Variants in FBN2 observed in about 807,000 individuals in gnomAD.
The protein encoded by FBN2 is fibrillin 2.
FBN2 carries 105 observed loss-of-function variants against 355.6 expected under a neutral mutation model. That is an observed-to-expected ratio of 0.30 (90% CI 0.25 to 0.35). FBN2 has a LOEUF of 0.35. Among genes scored for constraint, FBN2 ranks in the 10% least tolerant of loss-of-function variants. FBN2 has a pLI of 1.00. For missense variants in FBN2, 3,280 were observed against 3,758.7 expected (o/e 0.87, Z 3.33); for synonymous variants, 1,350 against 1,301.2 (o/e 1.04, Z -0.81).
At chr5:128,476,909 T>C (rs1194381461) in intron 5 of FBN2, among the ~76,000 whole-genome samples, 2 of 152,216 alleles carry the variant, frequency 1.3e-5, no homozygotes, top group Non-Finnish European at 2.9e-5. Context: ...CCACAGTCTA[T>C]GCATAGAAAG....
chr5:128,456,743 TGAC>T (rs1754406079), intron 6 of FBN2, among the ~76,000 whole-genome samples: 1 of 151,428 alleles, frequency 6.6e-6, no homozygotes, highest in Non-Finnish European at 1.5e-5. Flanking sequence ...AAGCAGAAAG[TGAC>T]AACAACAGCA....
At chr5:128,489,861 T>A (rs553895991) in intron 5 of FBN2, among the ~76,000 whole-genome samples, 1 of 152,198 alleles carries the variant, frequency 6.6e-6, no homozygotes, top group Non-Finnish European at 1.5e-5. Context: ...GAAGCCAATA[T>A]TGTATAGACT....
chr5:128,413,251 A>T (rs1753115591), intron 7 of FBN2, among the ~76,000 whole-genome samples: 1 of 152,230 alleles, frequency 6.6e-6, no homozygotes, highest in South Asian at 2.1e-4. Flanking sequence ...TTTCCAAAGA[A>T]GACAAATGAA....
chr5:128,488,950 A>G (rs1755424148), intron 5 of FBN2, among the ~76,000 whole-genome samples: 1 of 152,122 alleles, frequency 6.6e-6, no homozygotes, highest in South Asian at 2.1e-4. Context: ...GAATAGTGCC[A>G]CAATAAACAA....
chr5:128,379,685 G>A (rs1484491703), intron 11 of FBN2, among the ~76,000 whole-genome samples: 1 of 152,092 alleles, frequency 6.6e-6, no homozygotes, highest in Non-Finnish European at 1.5e-5. Flanking sequence ...AGACTGAACA[G>A]TCTGGACTAG....
intron 19 of FBN2, among the ~76,000 whole-genome samples, chr5:128,358,247 G>T (rs1056123856): frequency 4.6e-5 from 7 of 151,944 alleles, no homozygotes; most frequent in African/African-American, 1.7e-4. Flanking sequence ...AAAAATCAAA[G>T]ACATTTTCAG....
In FBN2 at chr5:128,301,950, C is replaced by A. The variant is rs73784565; in HGVS notation, c.5918-440G>T. On this transcript the variant is annotated intron_variant, in intron 46 of 64. Coordinates refer to ENST00000262464, the MANE Select transcript of FBN2 (RefSeq NM_001999.4). ...ATGAGCTTATTTATTACTGGAAAAT[C>A]AATGATATTAAAAACACTGGAATTG... 3.4e-3 allele frequency among the ~76,000 whole-genome samples: 518 copies of A among 152,134 alleles called. 3 individuals carry two copies. The highest frequency in any genetic ancestry group is 0.012 in the African/African-American group (509 of 41,500).
At chr5:128,320,949 T>C (rs1342910967) in intron 34 of FBN2, among the ~76,000 whole-genome samples, 2 of 152,134 alleles carry the variant, frequency 1.3e-5, no homozygotes, top group Non-Finnish European at 2.9e-5. Context: ...CAACTCCTTA[T>C]TTTTATTTAA....
intron 2 of FBN2, among the ~76,000 whole-genome samples, chr5:128,535,955 G>A (rs1489780239): frequency 1.3e-5 from 2 of 151,986 alleles, no homozygotes; most frequent in Admixed American, 6.6e-5. Flanking sequence ...CCAGAAATAA[G>A]AAAGTGGTTT....
Position 128,344,460 on chromosome 5 carries a change from T to C in FBN2, c.3268A>G (p.Arg1090Gly). 8 of 1,613,470 alleles carry C rather than the reference T, an allele frequency of 5.0e-6. No homozygotes were observed. The highest frequency in any genetic ancestry group is 6.8e-6 in the Non-Finnish European group (8 of 1,179,376). Reference sequence around the variant, plus strand: ...CATTTGAAGCTTCCGATTGTATTTCTGCACTTCCCATAAGTGCACATCCCA... The same window carrying C: ...CATTTGAAGCTTCCGATTGTATTTCCGCACTTCCCATAAGTGCACATCCCA... ...FPGMCTYGKC[R>G]NTIGSFKCRC... Residue 1090 changes from arginine (R) to glycine (G), a missense_variant, in exon 25 of 65, where the codon AGA (arginine) becomes GGA (glycine). Arg to Gly is a moderately radical substitution (Grantham distance 125, BLOSUM62 -2). Coordinates refer to ENST00000262464, the MANE Select transcript of FBN2 (RefSeq NM_001999.4).
At chr5:128,496,189 T>C (rs1464955779) in intron 5 of FBN2, among the ~76,000 whole-genome samples, 1 of 152,024 alleles carries the variant, frequency 6.6e-6, no homozygotes, top group Admixed American at 6.6e-5. Flanking sequence ...CTCTATGAGG[T>C]CACAATTACA....
At chr5:128,310,363 CACATATATATATATAT>C (rs1750001203) in intron 39 of FBN2, among the ~76,000 whole-genome samples, 1 of 58,974 alleles carries the variant, frequency 1.7e-5, no homozygotes, top group African/African-American at 6.7e-5. Flanking sequence ...ATTTCCTTGG[CACATATATATATATAT>C]ATATATATAT....
At chr5:128,281,979 C>T (rs1393002372) in intron 55 of FBN2, among the ~76,000 whole-genome samples, 3 of 152,090 alleles carry the variant, frequency 2.0e-5, no homozygotes, top group South Asian at 2.1e-4. Flanking sequence ...TGCGAGCCAC[C>T]GTGCCCGGCA....
chr5:128,280,577 T>C (rs1765510810), intron 55 of FBN2, among the ~76,000 whole-genome samples: 2 of 152,122 alleles, frequency 1.3e-5, no homozygotes, highest in South Asian at 2.1e-4. Context: ...ATATATAGAA[T>C]TGAAAATTGG....
intron 7 of FBN2, among the ~76,000 whole-genome samples, chr5:128,424,264 T>C (rs1274162214): frequency 6.6e-6 from 1 of 152,032 alleles, no homozygotes; most frequent in Non-Finnish European, 1.5e-5. Flanking sequence ...ATGCAAAAGG[T>C]CCATCTGGTG....
chr5:128,310,390 ATATATATATATATTTTTTTTTTT>A (rs1750013769), intron 39 of FBN2, among the ~76,000 whole-genome samples: 1 of 30,024 alleles, frequency 3.3e-5, no homozygotes, highest in African/African-American at 1.4e-4. Context: ...ATATATATAT[ATATATATATATATTTTTTTTTTT>A]TTTTTTTTAT....
intron 55 of FBN2, among the ~76,000 whole-genome samples, chr5:128,281,398 A>G (rs1489178465): frequency 6.6e-6 from 1 of 152,198 alleles, no homozygotes; most frequent in Non-Finnish European, 1.5e-5. Context: ...ACTTCAACAC[A>G]CATTCTTAAT....
intron 5 of FBN2, among the ~76,000 whole-genome samples, chr5:128,497,687 G>C (rs1755693715): frequency 1.3e-5 from 2 of 152,140 alleles, no homozygotes; most frequent in Admixed American, 1.3e-4. Context: ...ATGTCTCTGA[G>C]CTAGTGGAAG....
Position 128,366,449 on chromosome 5 carries a change from T to C in FBN2, c.2249-19A>G, listed in dbSNP as rs193091226. The stretch of plus-strand genomic sequence containing the variant: ...AATTCAGCTGTATGACAAAAAGAAA[T>C]AGAAGAATTAAAAACTTAACTATAC... On this transcript the variant is annotated intron_variant, in intron 16 of 64. Coordinates refer to ENST00000262464, the MANE Select transcript of FBN2 (RefSeq NM_001999.4). 5.2e-5 allele frequency: 81 copies of C among 1,567,790 alleles called. No homozygotes were observed. In the African/African-American group the frequency reaches 8.5e-4, roughly 16 times the overall value.
Sources: allele counts gnomAD v4.1 joint callset (sites outside exome capture counted in the v4.1 genomes callset), GRCh38; gene constraint gnomAD v4.1.1; transcripts MANE v1.5; gene names NCBI Gene and HGNC (gene_info 2026-07-23, HGNC 2026-07-21).